Variants in WAC observed in about 807,000 individuals in gnomAD.
The protein encoded by WAC is WW domain containing adaptor with coiled-coil.
A neutral mutation model predicts 79.6 loss-of-function variants in WAC; 11 were observed. The observed-to-expected ratio is 0.14, with a 90% confidence interval of 0.09 to 0.23. The LOEUF (loss-of-function observed/expected upper bound fraction) is 0.23. Among genes scored for constraint, WAC ranks in the 10% least tolerant of loss-of-function variants. WAC has a pLI of 1.00. For missense variants in WAC, 728 were observed against 773.5 expected, an observed-to-expected ratio of 0.94 and a Z score of 0.70; for synonymous variants, 304 against 276.9, an observed-to-expected ratio of 1.10 and a Z score of -0.97.
In WAC at chr10:28,620,921, A is replaced by G. The variant is rs183080826; in HGVS notation, c.*1315A>G. The G allele has an allele frequency of 1.3e-5, 2 of 152,360 alleles. No homozygotes were observed. The highest frequency in any genetic ancestry group is 3.9e-4 in the East Asian group (2 of 5,192). The allele number at this position is 152,360 out of a possible 1,614,324, so 9.4% of individuals were successfully genotyped here. On this transcript the variant is annotated 3_prime_UTR_variant, in exon 14 of 14. Transcript: ENST00000354911. The stretch of plus-strand genomic sequence containing the variant: ...GAGCTTCCTGCTGTTATCTGGAAAT[A>G]GCAGGAAAGCGCAGCTTTGTATATT...
intron 3 of WAC, among the ~76,000 whole-genome samples, chr10:28,567,296 A>G (rs988262228): frequency 3.3e-5 from 5 of 150,484 alleles, no homozygotes; most frequent in Non-Finnish European, 7.4e-5. Context: ...CCATGTCTGT[A>G]CAGGCTTTGT....
At chr10:28,552,698 G>A (rs965219332) in intron 3 of WAC, among the ~76,000 whole-genome samples, 2 of 152,048 alleles carry the variant, frequency 1.3e-5, no homozygotes, top group Non-Finnish European at 2.9e-5. Flanking sequence ...GTATCATTTA[G>A]GATTGTATGC....
intron 3 of WAC, among the ~76,000 whole-genome samples, chr10:28,575,078 T>C (rs1839174835): frequency 6.6e-6 from 1 of 152,242 alleles, no homozygotes; most frequent in Non-Finnish European, 1.5e-5. Context: ...GTATATATCT[T>C]CAACTAATAG....
chr10:28,604,529 C>G (rs183440697), intron 7 of WAC, among the ~76,000 whole-genome samples: 1 of 152,028 alleles, frequency 6.6e-6, no homozygotes, highest in Non-Finnish European at 1.5e-5. Context: ...GCCAGGAGTT[C>G]GAGACCAGCT....
chr10:28,590,022 T>C (rs554737506), intron 5 of WAC, among the ~76,000 whole-genome samples, 171 bp downstream of exon 5: 118 of 152,284 alleles, frequency 7.7e-4, no homozygotes, highest in Middle Eastern at 6.8e-3. Flanking sequence ...GTCTTTACTT[T>C]TAAAAACAAA....
At chr10:28,558,860 T>C (rs1838142363) in intron 3 of WAC, among the ~76,000 whole-genome samples, 1 of 152,208 alleles carries the variant, frequency 6.6e-6, no homozygotes, top group East Asian at 1.9e-4. Flanking sequence ...GGCTGGCCCT[T>C]AGAGGTCAAG....
rs112267833 is a variant in WAC, at chr10:28,611,224, A to G, written c.1288+403A>G. 93 of 1,277,938 alleles carry G rather than the reference A, an allele frequency of 7.3e-5. 1 individual carries two copies. In the African/African-American group the frequency reaches 9.6e-4, roughly 13 times the overall value. The allele number at this position is 1,277,938 out of a possible 1,614,324, so 79.2% of individuals were successfully genotyped here. A position where few individuals can be genotyped will look rare whatever the true frequency, so the allele number is the denominator to read the frequency against. ...GTTAGATGTTTTTTGACTGGATAATATGGAAATGCTCATTTTCTGCCTTGA... is the reference window on the plus strand; with the variant it reads ...GTTAGATGTTTTTTGACTGGATAATGTGGAAATGCTCATTTTCTGCCTTGA... On this transcript the variant is annotated intron_variant, in intron 9 of 13. Coordinates refer to ENST00000354911, the MANE Select transcript of WAC (RefSeq NM_016628.5).
rs529952939 is a variant in WAC at position 28,569,938 on chromosome 10, A to G, written c.275-13461A>G. 3.4e-4 allele frequency among the ~76,000 whole-genome samples: 52 copies of G among 152,314 alleles called. 1 individual carries two copies. Among genetic ancestry groups the G allele is most frequent in the African/African-American group, 1.2e-3 (49 of 41,562 alleles). On this transcript the variant is annotated intron_variant, in intron 3 of 13. Coordinates refer to ENST00000354911, the MANE Select transcript of WAC (RefSeq NM_016628.5). ...TTCAACAGCACCAAAAGTGTCCAAT[A>G]TTGGGTTATCAATGGCTCTATCCAA...
chr10:28,547,915 C>CTTTTTTTTTT (rs11408560), intron 3 of WAC, among the ~76,000 whole-genome samples: 43 of 132,304 alleles, frequency 3.3e-4, no homozygotes, highest in South Asian at 4.7e-4. Context: ...TTCTCTTTTT[C>CTTTTTTTTTT]TTTTTTTTTT....
chr10:28,540,715 A>G (rs886833680), intron 3 of WAC, among the ~76,000 whole-genome samples: 1 of 152,232 alleles, frequency 6.6e-6, no homozygotes, highest in South Asian at 2.1e-4. Context: ...ATAGTGACAC[A>G]TGACCTTTTT....
intron 6 of WAC, 114 bp from the exon 7 acceptor site, chr10:28,595,619 T>TAAGTAC: frequency 2.0e-6 from 2 of 1,024,394 alleles, no homozygotes; most frequent in South Asian, 3.3e-5. Context: ...AAAGAATATG[T>TAAGTAC]AAGTACAAGT....
intron 3 of WAC, among the ~76,000 whole-genome samples, chr10:28,542,212 A>C (rs1207547363): frequency 6.6e-6 from 1 of 152,168 alleles, no homozygotes; most frequent in Non-Finnish European, 1.5e-5. Flanking sequence ...ACCCTCTCAC[A>C]GGGCCTTCTC....
At chr10:28,541,413 G>GTTTTTTTTT (rs1435952488) in intron 3 of WAC, among the ~76,000 whole-genome samples, 1 of 50,738 alleles carries the variant, frequency 2.0e-5, no homozygotes, top group Non-Finnish European at 4.2e-5. Flanking sequence ...GTGTGTGTGT[G>GTTTTTTTTT]TGTTTTGTTT....
chr10:28,533,714 T>G, intron 1 of WAC, 94 bp downstream of exon 1: 4 of 1,420,074 alleles, frequency 2.8e-6, no homozygotes, highest in East Asian at 2.8e-5. Flanking sequence ...GCCGCCATTT[T>G]TGTTGTTAAC....
chr10:28,612,549 TTCTTTTGAGTAG>T (rs1315623544), intron 10 of WAC, among the ~76,000 whole-genome samples: 1 of 152,212 alleles, frequency 6.6e-6, no homozygotes, highest in Non-Finnish European at 1.5e-5. Context: ...TAGGGGGAAT[TTCTTTTGAGTAG>T]TTTTGAAACA....
intron 3 of WAC, among the ~76,000 whole-genome samples, chr10:28,540,973 C>T (rs555261816): frequency 2.3e-4 from 35 of 152,014 alleles, no homozygotes; most frequent in African/African-American, 6.0e-4. Flanking sequence ...ATTTGTCTTA[C>T]GCTTCTCATA....
intron 11 of WAC, chr10:28,615,961 A>T: frequency 4.6e-6 from 2 of 437,936 alleles, no homozygotes; most frequent in Non-Finnish European, 4.0e-6. Flanking sequence ...TGACTCTGAC[A>T]GTAGTGTTAA....
intron 4 of WAC, among the ~76,000 whole-genome samples, chr10:28,585,085 T>C (rs1839746595): frequency 6.6e-6 from 1 of 152,010 alleles, no homozygotes; most frequent in Admixed American, 6.6e-5. Flanking sequence ...AAGAAAATCA[T>C]GTTAATTGTT....
rs566137291 is a variant in WAC, at chr10:28,560,496, C to T, written c.275-22903C>T. On this transcript the variant is annotated intron_variant, in intron 3 of 13. Transcript: ENST00000354911. ...AATCGGGAATTTTGTTTTTTTGTGTCGTCTTATGCCTGAGATTCTGGTTTA... is the reference window on the plus strand; with the variant it reads ...AATCGGGAATTTTGTTTTTTTGTGTTGTCTTATGCCTGAGATTCTGGTTTA... 3.6e-4 allele frequency among the ~76,000 whole-genome samples: 55 copies of T among 152,138 alleles called. No individual in the cohort carries two copies. In the East Asian group the frequency reaches 6.8e-3, roughly 19 times the overall value.
Sources: gnomAD v4.1 joint callset for allele counts (sites outside exome capture counted in the v4.1 genomes callset) on GRCh38, gnomAD v4.1.1 for gene constraint, MANE v1.5 for transcripts, NCBI Gene and HGNC (gene_info 2026-07-23, HGNC 2026-07-21) for gene names.